Variants in GBP7 observed in about 807,000 individuals in gnomAD.
GBP7 encodes the protein guanylate-binding protein 7.
Under a neutral mutation model 61.3 loss-of-function variants are expected in GBP7, and 43 were observed. That is an observed-to-expected ratio of 0.70 (90% CI 0.55 to 0.91). GBP7 has a LOEUF of 0.91. Ranked by LOEUF, GBP7 falls within the 40% of genes least tolerant of loss-of-function variation. GBP7 has a pLI of 0.00. For synonymous variants in GBP7, 267 were observed against 271.0 expected (o/e 0.99, Z 0.14); for missense variants, 717 against 740.5 (o/e 0.97, Z 0.37).
chr1:89,159,976 G>A (rs866246254), intron 3 of GBP7, among the ~76,000 whole-genome samples: 6 of 152,140 alleles, frequency 3.9e-5, no homozygotes, highest in South Asian at 4.1e-4. Context: ...GTCCATCAAC[G>A]ATAGACTGGA....
intron 8 of GBP7, among the ~76,000 whole-genome samples, chr1:89,144,530 A>T (rs1305775646): frequency 6.6e-6 from 1 of 152,034 alleles, no homozygotes; most frequent in Non-Finnish European, 1.5e-5. Context: ...TTTCTCTACA[A>T]CCTCACCAGT....
rs1008710890 is a variant in GBP7 at position 89,147,617 on chromosome 1, T to C, written c.1315A>G (p.Lys439Glu). Residue 439 changes from lysine (K) to glutamate (E), a missense_variant, in exon 8 of 11, where the codon AAA becomes GAA. Around this residue, in one of 3 missense-constraint regions of GBP7, gnomAD observed 312 missense variants for 310.1 expected, o/e 1.01. Transcript: ENST00000294671. The part of the protein sequence containing the change: ...PGGHNIYLEA[K>E]KKIEQDYTLV... ...GTATAGTCCTGTTCAATCTTCTTTT[T>C]TGCTTCTAAGTAGATATTGTGCCCC... is the stretch of plus-strand genomic sequence containing the variant. 2 of 1,614,182 alleles carry C rather than the reference T, an allele frequency of 1.2e-6. No homozygotes were observed. Among genetic ancestry groups the C allele is most frequent in the East Asian group, 4.5e-5 (2 of 44,886 alleles).
At chr1:89,147,504 A>T in intron 8 of GBP7, 63 bp downstream of exon 8, 1 of 1,266,264 alleles carries the variant, frequency 7.9e-7, no homozygotes, top group Non-Finnish European at 1.1e-6. Flanking sequence ...GATTTTCAGA[A>T]GAGGCAACGA....
At chr1:89,149,868 C>A (rs988752058) in intron 6 of GBP7, among the ~76,000 whole-genome samples, 2 of 150,504 alleles carry the variant, frequency 1.3e-5, no homozygotes, top group African/African-American at 4.9e-5. Flanking sequence ...AAAAAAAAAA[C>A]TTTTCTGCTT....
chr1:89,163,236 T>C (rs142334844), intron 3 of GBP7, among the ~76,000 whole-genome samples: 1 of 152,190 alleles, frequency 6.6e-6, no homozygotes. Context: ...TTTGTTGTTG[T>C]ATCTCTTCCA....
chr1:89,141,298 G>C (rs1681941498), intron 9 of GBP7, among the ~76,000 whole-genome samples: 1 of 152,104 alleles, frequency 6.6e-6, no homozygotes, highest in South Asian at 2.1e-4. Context: ...GCACCAAGGT[G>C]GGGAATTGAG....
chr1:89,139,448 A>T (rs1384333926), intron 9 of GBP7, among the ~76,000 whole-genome samples: 2 of 152,236 alleles, frequency 1.3e-5, no homozygotes, highest in Non-Finnish European at 2.9e-5. Context: ...GACAAATGGG[A>T]TTTAATTAAA....
At chr1:89,146,689 C>A (rs917525827) in intron 8 of GBP7, among the ~76,000 whole-genome samples, 1 of 152,106 alleles carries the variant, frequency 6.6e-6, no homozygotes, top group Non-Finnish European at 1.5e-5. Flanking sequence ...TATGTGAAAG[C>A]ATGTTCCGCA....
intron 1 of GBP7, among the ~76,000 whole-genome samples, chr1:89,174,814 C>T (rs1461031341): frequency 6.6e-6 from 1 of 152,118 alleles, no homozygotes; most frequent in African/African-American, 2.4e-5. Flanking sequence ...AAGATTGATT[C>T]TTTATTACCT....
intron 5 of GBP7, among the ~76,000 whole-genome samples, chr1:89,151,715 C>T (rs1682204157): frequency 6.6e-6 from 1 of 152,022 alleles, no homozygotes; most frequent in Non-Finnish European, 1.5e-5. Flanking sequence ...AAGGATTTGA[C>T]AGTCCTACTG....
chr1:89,173,297 A>C (rs979025038), intron 1 of GBP7, among the ~76,000 whole-genome samples: 1 of 152,186 alleles, frequency 6.6e-6, no homozygotes, highest in African/African-American at 2.4e-5. Context: ...TATGTATACT[A>C]GGACACATCT....
In GBP7 at chr1:89,175,180, A is replaced by G. The variant is rs577490349; in HGVS notation, c.-20+741T>C. Reference sequence around the variant, plus strand: ...ATACTGCAGTTTTCTTTTTTATCCTATAATAAAGAGTGGTTTGTTTCCACT... The same window carrying G: ...ATACTGCAGTTTTCTTTTTTATCCTGTAATAAAGAGTGGTTTGTTTCCACT... On this transcript the variant is annotated intron_variant, in intron 1 of 10. Coordinates refer to ENST00000294671, the MANE Select transcript of GBP7 (RefSeq NM_207398.3). Among the ~76,000 whole-genome samples, 3 of 152,300 alleles carry G rather than the reference A, an allele frequency of 2.0e-5. No individual in the cohort carries two copies. In the South Asian group the frequency reaches 6.2e-4, roughly 32 times the overall value.
At chr1:89,175,144 A>G (rs1647707178) in intron 1 of GBP7, among the ~76,000 whole-genome samples, 1 of 152,204 alleles carries the variant, frequency 6.6e-6, no homozygotes, top group Admixed American at 6.5e-5. Flanking sequence ...ACAAGCAAAT[A>G]TAGATGATAG....
chr1:89,139,975 A>G (rs1681894420), intron 9 of GBP7, among the ~76,000 whole-genome samples: 1 of 152,192 alleles, frequency 6.6e-6, no homozygotes. Flanking sequence ...TCATGCTGCT[A>G]TAAAGACACA....
intron 9 of GBP7, among the ~76,000 whole-genome samples, 186 bp downstream of exon 9, chr1:89,141,360 T>C (rs1681943851): frequency 6.6e-6 from 1 of 152,184 alleles, no homozygotes; most frequent in Non-Finnish European, 1.5e-5. Context: ...TTTAAGAATG[T>C]TGTGGGAAGA....
intron 3 of GBP7, among the ~76,000 whole-genome samples, chr1:89,158,940 C>G (rs1682373439): frequency 6.6e-6 from 1 of 152,174 alleles, no homozygotes; most frequent in African/African-American, 2.4e-5. Context: ...CTGGAGGCAT[C>G]ACACTACCCG....
At chr1:89,137,597 T>C (rs1476936906) in intron 9 of GBP7, among the ~76,000 whole-genome samples, 1 of 151,976 alleles carries the variant, frequency 6.6e-6, no homozygotes, top group African/African-American at 2.4e-5. Context: ...TTGATAAAAT[T>C]CAATATTTCA....
chr1:89,152,392 G>A lies in GBP7; in HGVS notation c.501C>T (p.Ser167=), dbSNP rs772804833. The change falls in exon 5 of 11, where the codon AGC becomes AGT. Residue 167 remains serine, a synonymous_variant. Transcript: ENST00000294671. The part of the protein sequence containing the change: ...CPRPDEVEDS[S]EFVSFFPDFI... ...AGTCTGGAAAGAAACTCACAAACTC[G>A]CTGGAGTCCTCAACTTCATCAGGTC... 1.5e-5 allele frequency: 24 copies of A among 1,613,934 alleles called. No individual in the cohort carries two copies. Among genetic ancestry groups the A allele is most frequent in the African/African-American group, 2.7e-5 (2 of 74,866 alleles).
chr1:89,133,144 A>G lies in GBP7; in HGVS notation c.1662+114T>C, dbSNP rs1433428073. On this transcript the variant is annotated intron_variant, in intron 10 of 10. Transcript: ENST00000294671. ...CATATGTATTTGAAATTTAAGTGAA[A>G]TATATCTTTTGTGTTTCCTTCTGAA... The G allele has an allele frequency of 1.9e-5, 14 of 753,456 alleles. No individual in the cohort carries two copies. In the Admixed American group the frequency reaches 2.6e-4, roughly 14 times the overall value. 46.7% of individuals were successfully genotyped at this position (753,456 alleles called of 1,614,324 possible).
Sources: allele counts gnomAD v4.1 joint callset (sites outside exome capture counted in the v4.1 genomes callset), GRCh38; gene constraint gnomAD v4.1.1; regional missense constraint gnomAD v4.1.1; transcripts MANE v1.5; gene names NCBI Gene and HGNC (gene_info 2026-07-23, HGNC 2026-07-21).